NEK1: variants seen among roughly 807,000 people sequenced by gnomAD.
The protein encoded by NEK1 is NIMA related kinase 1, also known as serine/threonine-protein kinase Nek1.
Under a neutral mutation model 182.1 loss-of-function variants are expected in NEK1, and 137 were observed. The observed-to-expected ratio is 0.75, with a 90% CI of 0.65 to 0.87. The LOEUF is 0.87. Ranked by LOEUF, NEK1 falls within the 40% of genes least tolerant of loss-of-function variation. The probability of loss-of-function intolerance (pLI) is 0.00; values close to 1 mark genes in which losing one functional copy is unlikely to be tolerated. For missense variants in NEK1, 1,391 were observed against 1,494.4 expected, an observed-to-expected ratio of 0.93 and a Z score of 1.14; for synonymous variants, 513 against 492.2, an observed-to-expected ratio of 1.04 and a Z score of -0.56.
chr4:169,434,929 T>C (rs1738118977), intron 28 of NEK1, among the ~76,000 whole-genome samples: 1 of 152,240 alleles, frequency 6.6e-6, no homozygotes, highest in African/African-American at 2.4e-5. Flanking sequence ...AAACTTGACT[T>C]ATGACTGCAT....
At chr4:169,470,279 C>G (rs1473269669) in intron 26 of NEK1, among the ~76,000 whole-genome samples, 2 of 152,084 alleles carry the variant, frequency 1.3e-5, no homozygotes, top group Admixed American at 1.3e-4. Flanking sequence ...TTTTTCCTTT[C>G]CAAGTTTAGT....
chr4:169,467,033 T>C (rs1355351878), intron 26 of NEK1, among the ~76,000 whole-genome samples: 1 of 152,092 alleles, frequency 6.6e-6, no homozygotes, highest in African/African-American at 2.4e-5. Context: ...CTACTCAATG[T>C]GAAGATGATG....
At chr4:169,514,758 G>C (rs1427467642) in intron 19 of NEK1, among the ~76,000 whole-genome samples, 2 of 152,020 alleles carry the variant, frequency 1.3e-5, no homozygotes, top group African/African-American at 4.8e-5. Context: ...AATTTTGCTA[G>C]AGACTTATCA....
intron 19 of NEK1, among the ~76,000 whole-genome samples, chr4:169,509,886 T>A (rs1753905347): frequency 6.6e-6 from 1 of 152,152 alleles, no homozygotes; most frequent in Admixed American, 6.6e-5. Flanking sequence ...CATGTTTATT[T>A]TTATAAAACT....
In NEK1 at chr4:169,555,761, CAA is replaced by C; in HGVS notation, c.1519_1520del (p.Leu507GlufsTer8). The C allele has an allele frequency of 3.7e-6, 6 of 1,613,862 alleles. No individual in the cohort carries two copies. The highest frequency in any genetic ancestry group is 1.3e-5 in the African/African-American group (1 of 75,044). On this transcript the variant is annotated frameshift_variant, in exon 18 of 36. Coordinates refer to ENST00000507142, the MANE Select transcript of NEK1 (RefSeq NM_001199397.3). LOFTEE classifies it high-confidence loss of function. ...FPDADDIRKTLKRLKAVSKQA... is the reference protein window; with the variant it reads ...FPDADDIRKTXKRLKAVSKQA... The stretch of plus-strand genomic sequence containing the variant: ...GTTTAGACACCGCCTTCAATCTTTT[CAA>C]AGTTTTTCTAATATCATCAGCATCA...
At position 169,495,810 on chromosome 4, in the gene NEK1, G is replaced by A. The variant is rs1056931901; in HGVS notation, c.2007+11227C>T. On this transcript the variant is annotated intron_variant, in intron 23 of 35. Transcript: ENST00000507142. ...ATGCTGTTTTGGTTACTGTAGCCTTGTAGTATAGTTTGAAGTCAGGTAGTG... is the reference window on the plus strand; with the variant it reads ...ATGCTGTTTTGGTTACTGTAGCCTTATAGTATAGTTTGAAGTCAGGTAGTG... 2.0e-5 allele frequency among the ~76,000 whole-genome samples: 3 copies of A among 151,878 alleles called. No individual in the cohort carries two copies. In the South Asian group the frequency reaches 6.2e-4, roughly 32 times the overall value.
chr4:169,574,938 C>T (rs1765454562), intron 12 of NEK1, among the ~76,000 whole-genome samples: 1 of 152,068 alleles, frequency 6.6e-6, no homozygotes. Context: ...CAAGAATGTA[C>T]TATAAGAGAG....
chr4:169,495,976 CTA>C (rs952269655), intron 23 of NEK1, among the ~76,000 whole-genome samples: 9 of 152,292 alleles, frequency 5.9e-5, no homozygotes, highest in Non-Finnish European at 1.2e-4. Context: ...GGCATTGAAT[CTA>C]TAAATTACCT....
At chr4:169,400,114 T>C (rs1366204740) in intron 35 of NEK1, 111 bp downstream of exon 35, 1 of 1,034,740 alleles carries the variant, frequency 9.7e-7, no homozygotes, top group South Asian at 1.4e-5. Context: ...GTTATATAGT[T>C]CCCAAGTAGA....
intron 31 of NEK1, among the ~76,000 whole-genome samples, chr4:169,422,843 T>C (rs1011824842): frequency 5.3e-5 from 8 of 152,110 alleles, no homozygotes; most frequent in African/African-American, 1.7e-4. Context: ...TGGCAATAGG[T>C]ATTAAGAAGC....
At chr4:169,604,101 T>C (rs1381927831) in intron 2 of NEK1, among the ~76,000 whole-genome samples, 1 of 152,224 alleles carries the variant, frequency 6.6e-6, no homozygotes, top group Non-Finnish European at 1.5e-5. Flanking sequence ...AAACTCCTTA[T>C]GTAATGAAGT....
At chr4:169,532,927 GAAAGGAAAGGAA>G (rs1026881417) in intron 19 of NEK1, among the ~76,000 whole-genome samples, 2 of 151,612 alleles carry the variant, frequency 1.3e-5, no homozygotes, top group Non-Finnish European at 2.9e-5. Flanking sequence ...AGAAAGAAAG[GAAAGGAAAGGAA>G]AAAGGAAAGG....
At chr4:169,468,962 A>G (rs1393601539) in intron 26 of NEK1, among the ~76,000 whole-genome samples, 2 of 151,980 alleles carry the variant, frequency 1.3e-5, no homozygotes, top group African/African-American at 2.4e-5. Context: ...ATCAGTGGTG[A>G]TATCCCCTTT....
chr4:169,552,865 G>A (rs933497645), intron 18 of NEK1, among the ~76,000 whole-genome samples: 7 of 151,980 alleles, frequency 4.6e-5, no homozygotes, highest in African/African-American at 1.7e-4. Context: ...GTAATACATA[G>A]GTTACAAATC....
At chr4:169,482,848 GCTGGTCTCAAACTC>G (rs1207631869) in intron 23 of NEK1, among the ~76,000 whole-genome samples, 1 of 152,050 alleles carries the variant, frequency 6.6e-6, no homozygotes, top group Non-Finnish European at 1.5e-5. Flanking sequence ...TGTTAGCCAG[GCTGGTCTCAAACTC>G]CTGATCTCAT....
chr4:169,537,553 C>T (rs911834814), intron 19 of NEK1, among the ~76,000 whole-genome samples: 11 of 152,110 alleles, frequency 7.2e-5, no homozygotes, highest in Non-Finnish European at 1.0e-4. Flanking sequence ...AGGAAGGATA[C>T]AGGTATGAAC....
At chr4:169,567,266 T>G (rs1763854007) in intron 12 of NEK1, among the ~76,000 whole-genome samples, 1 of 152,216 alleles carries the variant, frequency 6.6e-6, no homozygotes, top group Admixed American at 6.5e-5. Flanking sequence ...CTTTTTCTTT[T>G]CTTCAAATGT....
At chr4:169,536,467 A>AC (rs149448262) in intron 19 of NEK1, among the ~76,000 whole-genome samples, 13,524 of 152,188 alleles carry the variant, frequency 0.089, 789 homozygotes, top group African/African-American at 0.16. Flanking sequence ...AAAAGTTTCA[A>AC]CTATAATACA....
intron 19 of NEK1, among the ~76,000 whole-genome samples, chr4:169,512,418 A>C (rs1754341536): frequency 6.6e-6 from 1 of 151,968 alleles, no homozygotes; most frequent in Admixed American, 6.6e-5. Context: ...CTCTTTGGTG[A>C]AATGTTTTGT....
Sources: gnomAD v4.1 joint callset for allele counts (sites outside exome capture counted in the v4.1 genomes callset) on GRCh38, gnomAD v4.1.1 for gene constraint, MANE v1.5 for transcripts, NCBI Gene and HGNC (gene_info 2026-07-23, HGNC 2026-07-21) for gene names.